SEMA3C: variants seen among roughly 807,000 people sequenced by gnomAD.
The protein encoded by SEMA3C is semaphorin-3C.
SEMA3C carries 47 observed loss-of-function variants against 89.4 expected under a neutral mutation model. The observed-to-expected ratio is 0.53, with a 90% CI of 0.42 to 0.67. SEMA3C has a LOEUF of 0.67. SEMA3C is among the 30% of genes least tolerant of loss of function. The probability of loss-of-function intolerance (pLI) is 0.00; values close to 1 mark genes in which losing one functional copy is unlikely to be tolerated. For synonymous variants in SEMA3C, 310 were observed against 320.2 expected (o/e 0.97, Z 0.34); for missense variants, 839 against 929.1 (o/e 0.90, Z 1.26).
At chr7:80,880,290 G>C (rs1791302595) in intron 2 of SEMA3C, among the ~76,000 whole-genome samples, 1 of 152,110 alleles carries the variant, frequency 6.6e-6, no homozygotes, top group African/African-American at 2.4e-5. Context: ...CATTGTTTAA[G>C]ATAGTGAATA....
chr7:80,898,349 G>A (rs1420627866), intron 2 of SEMA3C, among the ~76,000 whole-genome samples: 3 of 152,006 alleles, frequency 2.0e-5, no homozygotes, highest in Non-Finnish European at 4.4e-5. Context: ...CTGGGTGACA[G>A]AGCGAGATTT....
At chr7:80,790,919 G>T (rs1221807887) in intron 11 of SEMA3C, among the ~76,000 whole-genome samples, 1 of 152,132 alleles carries the variant, frequency 6.6e-6, no homozygotes, top group African/African-American at 2.4e-5. Flanking sequence ...GAGCTGGTTA[G>T]TAGATAATCA....
chr7:80,782,913 A>C (rs1191985344), intron 12 of SEMA3C, among the ~76,000 whole-genome samples: 1 of 152,192 alleles, frequency 6.6e-6, no homozygotes, highest in Non-Finnish European at 1.5e-5. Context: ...CATCATTATA[A>C]TAGTAATAAA....
chr7:80,751,215 G>T (rs1010471862), intron 16 of SEMA3C, 54 bp downstream of exon 16: 4 of 1,372,654 alleles, frequency 2.9e-6, no homozygotes, highest in Admixed American at 3.4e-5. Flanking sequence ...ACTGAAATGT[G>T]ATACGGAGCA....
chr7:80,768,432 T>G (rs371078028), intron 12 of SEMA3C, among the ~76,000 whole-genome samples: 13 of 151,320 alleles, frequency 8.6e-5, no homozygotes, highest in African/African-American at 3.2e-4. Context: ...GAGAATGGTG[T>G]GAACCTGGGA....
At chr7:80,868,326 G>A (rs774310160) in intron 2 of SEMA3C, among the ~76,000 whole-genome samples, 48 of 152,036 alleles carry the variant, frequency 3.2e-4, no homozygotes, top group African/African-American at 1.1e-3. Context: ...GGAGTGCAGC[G>A]ATGCAGTCTC....
At chr7:80,837,989 T>C (rs2115861757) in intron 2 of SEMA3C, among the ~76,000 whole-genome samples, 1 of 152,326 alleles carries the variant, frequency 6.6e-6, no homozygotes, top group Admixed American at 6.5e-5. Context: ...TTCATTCACA[T>C]TCTACCATTT....
At chr7:80,900,817 T>C (rs145557376) in intron 2 of SEMA3C, among the ~76,000 whole-genome samples, 3 of 152,378 alleles carry the variant, frequency 2.0e-5, no homozygotes, top group East Asian at 1.9e-4. Context: ...ACTAGTTTAT[T>C]GTACAACACT....
chr7:80,752,084 T>C (rs1476606804), intron 15 of SEMA3C, among the ~76,000 whole-genome samples: 2 of 152,220 alleles, frequency 1.3e-5, no homozygotes, highest in Non-Finnish European at 2.9e-5. Context: ...GATACAATAA[T>C]GCTTCACCCG....
At chr7:80,802,473 G>A (rs1188677430) in intron 9 of SEMA3C, among the ~76,000 whole-genome samples, 192 bp downstream of exon 9, 2 of 152,064 alleles carry the variant, frequency 1.3e-5, no homozygotes, top group Non-Finnish European at 2.9e-5. Context: ...TGTTTCAGCA[G>A]TGCACTCATG....
upstream of SEMA3C, among the ~76,000 whole-genome samples, chr7:80,921,702 C>T (rs540624393): frequency 2.0e-5 from 3 of 152,194 alleles, no homozygotes; most frequent in East Asian, 3.9e-4. Flanking sequence ...TTCAGACGAG[C>T]GGCCAAACTA....
intron 4 of SEMA3C, 119 bp downstream of exon 4, chr7:80,827,306 G>C: frequency 9.3e-7 from 1 of 1,070,146 alleles, no homozygotes; most frequent in Non-Finnish European, 1.3e-6. Context: ...CCTGTGTCCA[G>C]CAAAAATTTA....
At chr7:80,773,149 A>AT (rs1001171371) in intron 12 of SEMA3C, among the ~76,000 whole-genome samples, 16 of 152,100 alleles carry the variant, frequency 1.1e-4, no homozygotes, top group East Asian at 9.7e-4. Context: ...AAATGTTACA[A>AT]TTTTTTTTCT....
chr7:80,898,156 G>T (rs1055904354), intron 2 of SEMA3C, among the ~76,000 whole-genome samples: 1 of 152,096 alleles, frequency 6.6e-6, no homozygotes, highest in Non-Finnish European at 1.5e-5. Flanking sequence ...CCTGAGGTCA[G>T]GAGTTTGAGA....
chr7:80,888,207 GT>G (rs1791527914), intron 2 of SEMA3C, among the ~76,000 whole-genome samples: 1 of 151,690 alleles, frequency 6.6e-6, no homozygotes, highest in South Asian at 2.1e-4. Context: ...GAGCTCAGGA[GT>G]TGGAGACTAT....
intron 2 of SEMA3C, among the ~76,000 whole-genome samples, chr7:80,901,066 G>A (rs897003414): frequency 6.6e-6 from 1 of 152,148 alleles, no homozygotes; most frequent in African/African-American, 2.4e-5. Flanking sequence ...TCACAGTTTT[G>A]CCTGTTGTAC....
chr7:80,790,703 C>T (rs1264188829), intron 11 of SEMA3C, among the ~76,000 whole-genome samples: 7 of 152,196 alleles, frequency 4.6e-5, no homozygotes, highest in African/African-American at 1.4e-4. Context: ...AAGTAGCTCC[C>T]CTTCTCCATC....
chr7:80,863,860 T>C lies in SEMA3C; in HGVS notation c.104-35115A>G, dbSNP rs1405313960. Among the ~76,000 whole-genome samples, 8 of 146,640 alleles carry C rather than the reference T, an allele frequency of 5.5e-5. No homozygotes were observed. The Admixed American group carries it at 5.5e-4, about 10-fold the overall frequency. ...ATATATATCACATATCACATACATATGTATCACATATATATGTATCACATA... is the reference window on the plus strand; with the variant it reads ...ATATATATCACATATCACATACATACGTATCACATATATATGTATCACATA... On this transcript the variant is annotated intron_variant, in intron 2 of 17. Coordinates refer to ENST00000265361, the MANE Select transcript of SEMA3C (RefSeq NM_006379.5).
intron 4 of SEMA3C, among the ~76,000 whole-genome samples, chr7:80,821,429 G>T (rs539491288): frequency 5.3e-5 from 8 of 151,660 alleles, no homozygotes; most frequent in East Asian, 1.9e-4. Context: ...TTTTTTTTTG[G>T]GGGGGTGGGC....
Sources: gnomAD v4.1 joint callset for allele counts (sites outside exome capture counted in the v4.1 genomes callset) on GRCh38, gnomAD v4.1.1 for gene constraint, MANE v1.5 for transcripts, NCBI Gene and HGNC (gene_info 2026-07-23, HGNC 2026-07-21) for gene names.